ANKLE2: variants seen among roughly 807,000 people sequenced by gnomAD.
ANKLE2 encodes the protein ankyrin repeat and LEM domain-containing protein 2.
In ANKLE2, 55 loss-of-function variants were observed where a neutral mutation model predicts 84.2. That is an observed-to-expected ratio of 0.65 (90% CI 0.53 to 0.82). ANKLE2 has a LOEUF of 0.82. ANKLE2 is among the 40% of genes least tolerant of loss of function. The pLI is 0.00. For missense variants in ANKLE2, 1,238 were observed against 1,201.9 expected (o/e 1.03, Z -0.44); for synonymous variants, 551 against 486.1 (o/e 1.13, Z -1.76).
At chr12:132,754,335 C>A (rs1780678528) in intron 2 of ANKLE2, among the ~76,000 whole-genome samples, 1 of 152,210 alleles carries the variant, frequency 6.6e-6, no homozygotes, top group South Asian at 2.1e-4. Flanking sequence ...CATTCATTAA[C>A]ATAAAAGATG....
chr12:132,741,904 G>C (rs1186334574), intron 6 of ANKLE2: 7 of 453,152 alleles, frequency 1.5e-5, no homozygotes, highest in Non-Finnish European at 2.6e-5. Context: ...AAGTAACACG[G>C]AACATCAAAG....
intron 3 of ANKLE2, among the ~76,000 whole-genome samples, chr12:132,748,584 C>T (rs547149935): frequency 5.0e-4 from 76 of 151,858 alleles, no homozygotes; most frequent in African/African-American, 1.6e-3. Flanking sequence ...TCACTGGGGG[C>T]CCCAGCCTAC....
rs556097502 is a variant in ANKLE2, at chr12:132,725,877, A to G, written c.*1365T>C. ...CTTGTCTGCTACAAAACAAATGAAC[A>G]CACCCTGTGTAACAAAATCGAATTT... is the stretch of plus-strand genomic sequence containing the variant. On this transcript the variant is annotated 3_prime_UTR_variant, in exon 13 of 13. Transcript: ENST00000357997. 6.6e-6 allele frequency: 1 copy of G among 152,340 alleles called. No homozygotes were observed. Among genetic ancestry groups the G allele is most frequent in the East Asian group, 1.9e-4 (1 of 5,194 alleles). The allele number at this position is 152,340 out of a possible 1,614,324, so 9.4% of individuals were successfully genotyped here. A position where few individuals can be genotyped will look rare whatever the true frequency, so the allele number is the denominator to read the frequency against.
At chr12:132,732,349 C>CATCCTGGT (rs2043880882) in intron 10 of ANKLE2, 1 of 115,204 alleles carries the variant, frequency 8.7e-6, no homozygotes, top group African/African-American at 3.7e-5. Flanking sequence ...AAGCTCTCTG[C>CATCCTGGT]GTCCTGGTGT....
At chr12:132,739,125 G>A (rs984930238) in intron 7 of ANKLE2, among the ~76,000 whole-genome samples, 2 of 152,148 alleles carry the variant, frequency 1.3e-5, no homozygotes, top group East Asian at 1.9e-4. Flanking sequence ...GAGTGAGGAG[G>A]AGGGAGAGGA....
chr12:132,748,882 T>TATATACACAC (rs1380526374), intron 3 of ANKLE2: 6 of 148,616 alleles, frequency 4.0e-5, no homozygotes, highest in Non-Finnish European at 5.9e-5. Context: ...TATATATATA[T>TATATACACAC]ACACACGTAT....
At chr12:132,753,215 G>A (rs1055132634) in intron 2 of ANKLE2, among the ~76,000 whole-genome samples, 1 of 152,114 alleles carries the variant, frequency 6.6e-6, no homozygotes. Context: ...AGCTACTCCG[G>A]AGGCTGAGGT....
At position 132,737,016 on chromosome 12, in the gene ANKLE2, G is replaced by A; in HGVS notation, c.1470C>T (p.Val490=). Reference sequence around the variant, plus strand: ...GGTCTGGGGACCACAGCTCCCCGATGACTGGAGAAGAAGTCTCTTCCGCTC... The same window carrying A: ...GGTCTGGGGACCACAGCTCCCCGATAACTGGAGAAGAAGTCTCTTCCGCTC... ...LLRAEETSSP[V]IGELWSPDQT... is the part of the protein sequence containing the mutation. Residue 490 remains valine (V), a synonymous_variant, in exon 8 of 13, where the codon GTC becomes GTT. Coordinates refer to ENST00000357997, the MANE Select transcript of ANKLE2 (RefSeq NM_015114.3). 6.2e-7 allele frequency: 1 copy of A among 1,612,768 alleles called. No individual in the cohort carries two copies. The highest frequency in any genetic ancestry group is 8.5e-7 in the Non-Finnish European group (1 of 1,179,090).
rs1442547688 is a variant in ANKLE2, at chr12:132,743,069, TC to T, written c.1353+84del. 7.5e-7 allele frequency: 1 copy of T among 1,341,476 alleles called. No homozygotes were observed. The highest frequency in any genetic ancestry group is 2.6e-5 in the East Asian group (1 of 39,010). 83.1% of individuals were successfully genotyped at this position (1,341,476 alleles called of 1,614,324 possible). ...AACTCATACAGAGCTCCTTGTGGCT[TC>T]CCTGTGCCTGTGATCACAGACTGTA... is the stretch of plus-strand genomic sequence containing the variant. On this transcript the variant is annotated intron_variant, in intron 6 of 12. Transcript: ENST00000357997. This position sits in a 1 kb window ranked among gnomAD's most constrained non-coding sequence, Gnocchi z 4.1.
Position 132,761,767 on chromosome 12 carries a change from C to A in ANKLE2, c.32G>T (p.Trp11Leu). MLWPRLAAAEWAALAWELLGA... is the reference protein window; with the variant it reads MLWPRLAAAELAALAWELLGA... ...CAGCAGCTCCCAGGCCAGCGCCGCC[C>A]ACTCGGCCGCCGCCAGCCGCGGCCA... Residue 11 changes from tryptophan (W) to leucine (L), a missense_variant, in exon 1 of 13, where the codon TGG becomes TTG. Trp to Leu is a moderately conservative substitution (Grantham distance 61). This residue lies in a region of ANKLE2 where 422 missense variants were observed against 394.5 expected (regional missense o/e 1.07). Coordinates refer to ENST00000357997, the MANE Select transcript of ANKLE2 (RefSeq NM_015114.3). The A allele has an allele frequency of 8.5e-7, 1 of 1,182,866 alleles. No individual in the cohort carries two copies. Among genetic ancestry groups the A allele is most frequent in the Non-Finnish European group, 1.0e-6 (1 of 957,484 alleles). 73.3% of individuals were successfully genotyped at this position (1,182,866 alleles called of 1,614,324 possible). A position where few individuals can be genotyped will look rare whatever the true frequency, so the allele number is the denominator to read the frequency against.
chr12:132,752,861 A>T (rs2136172618), intron 2 of ANKLE2, among the ~76,000 whole-genome samples: 1 of 152,218 alleles, frequency 6.6e-6, no homozygotes, highest in Non-Finnish European at 1.5e-5. Context: ...ATCTTCTTTA[A>T]AATTACAATT....
At chr12:132,742,720 C>A (rs894298111) in intron 6 of ANKLE2, among the ~76,000 whole-genome samples, 3 of 460 alleles carry the variant, frequency 6.5e-3, no homozygotes, top group Admixed American at 0.054. Context: ...ACCATCATCA[C>A]CACCACTGCC....
rs1318139771 is a variant in ANKLE2, at chr12:132,727,317, A to ACTGCCCAGGC, written c.2732_2741dup (p.Ser914ArgfsTer24). 1.9e-6 allele frequency: 3 copies of ACTGCCCAGGC among 1,563,692 alleles called. No homozygotes were observed. The highest frequency in any genetic ancestry group is 2.4e-5 in the East Asian group (1 of 41,856). On this transcript the variant is annotated frameshift_variant, in exon 13 of 13. Coordinates refer to ENST00000357997, the MANE Select transcript of ANKLE2 (RefSeq NM_015114.3). LOFTEE classifies it low-confidence loss of function (END_TRUNC). ...CGTGCACGGGGCTGTAGCGCCCAGG[A>ACTGCCCAGGC]CTGCCCAGGCCTGGCTTTGCGGGGT...
rs566130639 is a variant in ANKLE2 at position 132,746,348 on chromosome 12, C to CAAAAAAA, written c.1230+1477_1230+1483dup. Among the ~76,000 whole-genome samples the CAAAAAAA allele has an allele frequency of 1.2e-3, 80 of 66,500 alleles. 1 individual carries two copies. Among genetic ancestry groups the CAAAAAAA allele is most frequent in the Middle Eastern group, 9.8e-3 (1 of 102 alleles). The allele number at this position is 66,500 out of a possible 152,430, so 43.6% of individuals were successfully genotyped here. A position where few individuals can be genotyped will look rare whatever the true frequency, so the allele number is the denominator to read the frequency against. On this transcript the variant is annotated intron_variant, in intron 5 of 12. Transcript: ENST00000357997. Reference sequence around the variant, plus strand: ...TGGGAGACAGAGCAAGACTCTGTCTCAAAAAAAAAAAAAAAAAAAGAATCA... The same window carrying CAAAAAAA: ...TGGGAGACAGAGCAAGACTCTGTCTCAAAAAAAAAAAAAAAAAAAAAAAAAAGAATCA...
At chr12:132,759,185 CCACGTGGCAG>C in intron 1 of ANKLE2, 1 of 65,882 alleles carries the variant, frequency 1.5e-5, no homozygotes, top group Admixed American at 1.5e-4. Flanking sequence ...CCCGGGGCAC[CCACGTGGCAG>C]AGTGGATCAT....
chr12:132,747,819 G>A lies in ANKLE2; in HGVS notation c.1230+13C>T. 1 of 1,585,424 alleles carries A rather than the reference G, an allele frequency of 6.3e-7. No homozygotes were observed. The highest frequency in any genetic ancestry group is 8.5e-7 in the Non-Finnish European group (1 of 1,173,102). ...TTAAATAAAGAAAGCGTGAGTGGAG[G>A]GTGTGCACGCACCATCTTGTCGGGG... On this transcript the variant is annotated intron_variant, in intron 5 of 12. Coordinates refer to ENST00000357997, the MANE Select transcript of ANKLE2 (RefSeq NM_015114.3).
chr12:132,744,149 G>T (rs2044186754), intron 5 of ANKLE2, among the ~76,000 whole-genome samples: 1 of 152,104 alleles, frequency 6.6e-6, no homozygotes, highest in South Asian at 2.1e-4. Context: ...TATGCTCTGG[G>T]CAGTCTCAAT....
At position 132,755,016 on chromosome 12, in the gene ANKLE2, A is replaced by G. The variant is rs2044447746; in HGVS notation, c.299T>C (p.Phe100Ser). ...CTGAGCCAATTTTTTCTCAAAAATG[A>G]ACCTTGTAGTTGATGTAATGGGTCC... ...KCGPITSTTR[F>S]IFEKKLAQAL... The change falls in exon 2 of 13, where the codon TTC becomes TCC. Residue 100 changes from phenylalanine to serine, a missense_variant. Around this residue, in one of 3 missense-constraint regions of ANKLE2, gnomAD observed 422 missense variants for 394.5 expected, o/e 1.07. Coordinates refer to ENST00000357997, the MANE Select transcript of ANKLE2 (RefSeq NM_015114.3). 6.2e-7 allele frequency: 1 copy of G among 1,614,068 alleles called. No individual in the cohort carries two copies. The highest frequency in any genetic ancestry group is 1.1e-5 in the South Asian group (1 of 91,090).
At position 132,725,690 on chromosome 12, in the gene ANKLE2, T is replaced by A. The variant is rs1233592134; in HGVS notation, c.*1552A>T. The A allele has an allele frequency of 6.6e-6, 1 of 152,202 alleles. No homozygotes were observed. Among genetic ancestry groups the A allele is most frequent in the Non-Finnish European group, 1.5e-5 (1 of 68,038 alleles). 9.4% of individuals were successfully genotyped at this position (152,202 alleles called of 1,614,324 possible). A position where few individuals can be genotyped will look rare whatever the true frequency, so the allele number is the denominator to read the frequency against. On this transcript the variant is annotated 3_prime_UTR_variant, in exon 13 of 13. Coordinates refer to ENST00000357997, the MANE Select transcript of ANKLE2 (RefSeq NM_015114.3). ...AAATCAGGGCCAAAACGTTTTACTTTCCATTTGAATTTACAACCATATACA... is the reference window on the plus strand; with the variant it reads ...AAATCAGGGCCAAAACGTTTTACTTACCATTTGAATTTACAACCATATACA...
Sources: allele counts gnomAD v4.1 joint callset (sites outside exome capture counted in the v4.1 genomes callset), GRCh38; gene constraint gnomAD v4.1.1; regional missense constraint gnomAD v4.1.1; non-coding constraint Gnocchi (gnomAD v3.1); transcripts MANE v1.5; gene names NCBI Gene and HGNC (gene_info 2026-07-23, HGNC 2026-07-21).